The following NDST3 variants were observed in gnomAD, a reference collection of about 807,000 sequenced individuals.
NDST3 encodes bifunctional heparan sulfate N-deacetylase/N-sulfotransferase 3.
NDST3 carries 58 observed loss-of-function variants against 96.1 expected under a neutral mutation model. That is an observed-to-expected ratio of 0.60 (90% CI 0.49 to 0.75). The LOEUF (loss-of-function observed/expected upper bound fraction) is 0.75, where lower values mean the gene tolerates loss of function less well. Among genes scored for constraint, NDST3 ranks in the 30% least tolerant of loss-of-function variants. NDST3 has a pLI of 0.00. For missense variants in NDST3, 788 were observed against 1,034.2 expected, an observed-to-expected ratio of 0.76 and a Z score of 3.27; for synonymous variants, 333 against 359.7, an observed-to-expected ratio of 0.93 and a Z score of 0.84.
At chr4:118,252,045 T>C (rs1741779738) in intron 12 of NDST3, among the ~76,000 whole-genome samples, 1 of 152,182 alleles carries the variant, frequency 6.6e-6, no homozygotes, top group Admixed American at 6.5e-5. Flanking sequence ...ACATTATAAT[T>C]TTAAGCAAAG....
intron 2 of NDST3, among the ~76,000 whole-genome samples, chr4:118,082,089 CA>C (rs1256337652): frequency 6.6e-6 from 1 of 152,162 alleles, no homozygotes; most frequent in East Asian, 1.9e-4. Flanking sequence ...AGCACACACA[CA>C]AATTCCTATC....
intron 2 of NDST3, among the ~76,000 whole-genome samples, chr4:118,103,719 C>G (rs1729946550): frequency 6.6e-6 from 1 of 152,054 alleles, no homozygotes; most frequent in Non-Finnish European, 1.5e-5. Flanking sequence ...TCTTTTGCTC[C>G]CATAGTTAGG....
chr4:118,224,962 A>G (rs1739782991), intron 7 of NDST3, among the ~76,000 whole-genome samples: 1 of 152,178 alleles, frequency 6.6e-6, no homozygotes, highest in Non-Finnish European at 1.5e-5. Context: ...TACAGGTTGC[A>G]ATAGGCTGGA....
At chr4:118,133,536 C>A (rs530749582) in intron 4 of NDST3, among the ~76,000 whole-genome samples, 1 of 152,128 alleles carries the variant, frequency 6.6e-6, no homozygotes, top group Non-Finnish European at 1.5e-5. Flanking sequence ...CGAGGTACTG[C>A]GATTGCTTAC....
At chr4:118,055,376 C>T (rs961434918) in intron 2 of NDST3, 1 of 184,626 alleles carries the variant, frequency 5.4e-6, no homozygotes, top group African/African-American at 2.4e-5. Flanking sequence ...TTTTCTGAAA[C>T]TGAAAATCAG....
intron 4 of NDST3, among the ~76,000 whole-genome samples, chr4:118,132,971 G>A (rs1036500967): frequency 8.5e-5 from 13 of 152,062 alleles, no homozygotes; most frequent in African/African-American, 1.7e-4. Flanking sequence ...TGCTCTCCTC[G>A]CCTTAAACAG....
chr4:118,216,553 C>T (rs1739204530), intron 6 of NDST3, among the ~76,000 whole-genome samples: 1 of 152,014 alleles, frequency 6.6e-6, no homozygotes, highest in South Asian at 2.1e-4. Flanking sequence ...GTTTAAATAA[C>T]TTGCTAAGAC....
intron 12 of NDST3, among the ~76,000 whole-genome samples, chr4:118,245,195 A>G (rs1031709697): frequency 1.2e-4 from 18 of 152,190 alleles, no homozygotes; most frequent in Non-Finnish European, 2.5e-4. Flanking sequence ...CCATGAATAC[A>G]TCTGTTCACA....
chr4:118,246,581 G>A (rs757532035), intron 12 of NDST3, among the ~76,000 whole-genome samples: 33 of 152,004 alleles, frequency 2.2e-4, no homozygotes, highest in Non-Finnish European at 4.6e-4. Flanking sequence ...ACTCCAACCT[G>A]GGGAACAAGA....
intron 9 of NDST3, among the ~76,000 whole-genome samples, chr4:118,233,655 A>C (rs1292606933): frequency 6.6e-6 from 1 of 152,234 alleles, no homozygotes; most frequent in East Asian, 1.9e-4. Context: ...CCTTTGAATC[A>C]AAATTAGAAA....
chr4:118,096,695 A>ATAGATAGATAGG (rs1399726739), intron 2 of NDST3, among the ~76,000 whole-genome samples: 2 of 151,584 alleles, frequency 1.3e-5, no homozygotes, highest in African/African-American at 4.8e-5. Context: ...AGATAGATAG[A>ATAGATAGATAGG]TAGATAGATA....
At chr4:118,133,920 A>C (rs1732853779) in intron 4 of NDST3, among the ~76,000 whole-genome samples, 1 of 152,164 alleles carries the variant, frequency 6.6e-6, no homozygotes, top group Non-Finnish European at 1.5e-5. Flanking sequence ...AATTTCATGA[A>C]CCTTATTGTT....
At chr4:118,037,150 T>C (rs1372055268) in intron 1 of NDST3, among the ~76,000 whole-genome samples, 1 of 152,318 alleles carries the variant, frequency 6.6e-6, no homozygotes, top group African/African-American at 2.4e-5. Flanking sequence ...TTTTTTATCC[T>C]GTTTGTTCAA....
intron 12 of NDST3, among the ~76,000 whole-genome samples, chr4:118,250,118 A>G (rs1741591684): frequency 6.6e-6 from 1 of 152,198 alleles, no homozygotes; most frequent in African/African-American, 2.4e-5. Context: ...GTTGATGGAC[A>G]TGAGTAATTT....
At chr4:118,245,821 G>A (rs897661354) in intron 12 of NDST3, among the ~76,000 whole-genome samples, 5 of 152,010 alleles carry the variant, frequency 3.3e-5, no homozygotes, top group East Asian at 1.9e-4. Flanking sequence ...AATGTGATAC[G>A]TACAATTAGC....
At chr4:118,175,875 A>G (rs534244968) in intron 6 of NDST3, among the ~76,000 whole-genome samples, 1 of 152,192 alleles carries the variant, frequency 6.6e-6, no homozygotes, top group South Asian at 2.1e-4. Flanking sequence ...TCAGTGTGGA[A>G]TTGTTCTTCC....
chr4:118,172,173 G>C (rs1218212100), intron 6 of NDST3, among the ~76,000 whole-genome samples: 1 of 152,174 alleles, frequency 6.6e-6, no homozygotes, highest in East Asian at 1.9e-4. Context: ...GTAAAATAAA[G>C]GGCTGAGGCA....
intron 4 of NDST3, among the ~76,000 whole-genome samples, chr4:118,127,868 T>C (rs970835984): frequency 6.6e-6 from 1 of 152,052 alleles, no homozygotes; most frequent in Non-Finnish European, 1.5e-5. Context: ...TTAATGTCTT[T>C]CATCAGTGTT....
chr4:118,141,292 C>T lies in NDST3; in HGVS notation c.1411-2264C>T, dbSNP rs137908829. 3.9e-5 allele frequency among the ~76,000 whole-genome samples: 6 copies of T among 152,210 alleles called. No individual in the cohort carries two copies. The East Asian group carries it at 9.7e-4, about 25-fold the overall frequency. On this transcript the variant is annotated intron_variant, in intron 5 of 13. Transcript: ENST00000296499. ...AGAATGCCTAAAAATGTTTCTCATC[C>T]TTTCCGTAGCATAAGAAAGCTGTTT...
Sources: allele counts gnomAD v4.1 joint callset (sites outside exome capture counted in the v4.1 genomes callset), GRCh38; gene constraint gnomAD v4.1.1; transcripts MANE v1.5; gene names NCBI Gene and HGNC (gene_info 2026-07-23, HGNC 2026-07-21).